The following NLGN1 variants were observed in gnomAD, a reference collection of about 807,000 sequenced individuals.
NLGN1 encodes the protein neuroligin 1.
NLGN1 carries 12 observed loss-of-function variants against 65.5 expected under a neutral mutation model. The observed-to-expected ratio is 0.18, with a 90% CI of 0.12 to 0.30. The LOEUF is 0.30. NLGN1 is among the 10% of genes least tolerant of loss of function. The pLI, the probability that NLGN1 is intolerant of heterozygous loss-of-function variation, is 1.00. For synonymous variants in NLGN1, 350 were observed against 359.5 expected, an observed-to-expected ratio of 0.97 and a Z score of 0.30; for missense variants, 750 against 1,007.1, an observed-to-expected ratio of 0.74 and a Z score of 3.46.
chr3:173,914,166 AT>A (rs1288616685), intron 4 of NLGN1, among the ~76,000 whole-genome samples: 3 of 152,158 alleles, frequency 2.0e-5, no homozygotes, highest in Non-Finnish European at 4.4e-5. Flanking sequence ...AGGTCTCACC[AT>A]TCTCTAGCAT....
At chr3:173,850,135 G>A (rs1313226441) in intron 4 of NLGN1, among the ~76,000 whole-genome samples, 1 of 152,018 alleles carries the variant, frequency 6.6e-6, no homozygotes, top group East Asian at 1.9e-4. Context: ...ATAGTTTGGT[G>A]GACATCCTTC....
chr3:173,778,382 G>A (rs1780634079), intron 3 of NLGN1, among the ~76,000 whole-genome samples: 1 of 151,736 alleles, frequency 6.6e-6, no homozygotes. Flanking sequence ...GAATTTATTA[G>A]GCGATGGTTT....
chr3:174,085,784 G>T (rs1743109696), intron 4 of NLGN1, among the ~76,000 whole-genome samples: 1 of 151,950 alleles, frequency 6.6e-6, no homozygotes, highest in South Asian at 2.1e-4. Context: ...GCAGCAAAAA[G>T]ATTTAAAAAT....
chr3:173,628,098 C>G (rs888457354), intron 3 of NLGN1, among the ~76,000 whole-genome samples: 1 of 152,160 alleles, frequency 6.6e-6, no homozygotes, highest in African/African-American at 2.4e-5. Flanking sequence ...TCCGTACTGA[C>G]TGGGGCCTGT....
intron 4 of NLGN1, among the ~76,000 whole-genome samples, chr3:174,220,402 A>G (rs1230954527): frequency 6.6e-6 from 1 of 152,134 alleles, no homozygotes; most frequent in Non-Finnish European, 1.5e-5. Flanking sequence ...ATATATAATT[A>G]ATATTTTATA....
At chr3:173,637,698 C>G (rs574991553) in intron 3 of NLGN1, among the ~76,000 whole-genome samples, 1 of 152,226 alleles carries the variant, frequency 6.6e-6, no homozygotes, top group Admixed American at 6.5e-5. Context: ...TTCCATGATA[C>G]TTTACAACAT....
At chr3:173,765,601 C>T (rs925578378) in intron 3 of NLGN1, among the ~76,000 whole-genome samples, 3 of 152,238 alleles carry the variant, frequency 2.0e-5, no homozygotes, top group Non-Finnish European at 2.9e-5. Context: ...GAATGTTATA[C>T]ACTCTCTTAA....
intron 3 of NLGN1, among the ~76,000 whole-genome samples, chr3:173,702,233 C>T (rs1255765765): frequency 1.5e-5 from 2 of 131,302 alleles, no homozygotes; most frequent in Non-Finnish European, 1.5e-5. Context: ...AGCGAGACTC[C>T]GTCTCAAAAA....
At chr3:173,675,917 A>G (rs965712917) in intron 3 of NLGN1, among the ~76,000 whole-genome samples, 1 of 151,386 alleles carries the variant, frequency 6.6e-6, no homozygotes, top group Non-Finnish European at 1.5e-5. Flanking sequence ...ACACACACAC[A>G]CACACTAGAG....
chr3:173,585,602 T>C (rs1037013553), intron 2 of NLGN1, among the ~76,000 whole-genome samples: 20 of 152,184 alleles, frequency 1.3e-4, no homozygotes, highest in African/African-American at 4.6e-4. Flanking sequence ...CATGTTGTCT[T>C]GTAATTCACT....
chr3:174,211,361 C>G (rs546511329), intron 4 of NLGN1, among the ~76,000 whole-genome samples: 1 of 151,988 alleles, frequency 6.6e-6, no homozygotes, highest in Non-Finnish European at 1.5e-5. Flanking sequence ...CTGAGCTAGG[C>G]GCAAAGGTTC....
intron 4 of NLGN1, among the ~76,000 whole-genome samples, chr3:174,266,393 CT>C (rs1748250139): frequency 1.3e-5 from 2 of 152,048 alleles, no homozygotes; most frequent in Non-Finnish European, 2.9e-5. Flanking sequence ...TGATTTTGTT[CT>C]TTTTTATGGC....
At chr3:173,893,120 C>G (rs1348794722) in intron 4 of NLGN1, among the ~76,000 whole-genome samples, 2 of 152,096 alleles carry the variant, frequency 1.3e-5, no homozygotes, top group African/African-American at 4.8e-5. Context: ...CTCATAGGCA[C>G]CTCAAACCCA....
At chr3:173,679,982 A>G (rs1436254066) in intron 3 of NLGN1, among the ~76,000 whole-genome samples, 1 of 152,160 alleles carries the variant, frequency 6.6e-6, no homozygotes, top group Non-Finnish European at 1.5e-5. Flanking sequence ...AATCTTCTAC[A>G]GAAGAGAAAA....
At chr3:173,470,570 T>C (rs1466526025) in intron 2 of NLGN1, among the ~76,000 whole-genome samples, 1 of 152,108 alleles carries the variant, frequency 6.6e-6, no homozygotes, top group Non-Finnish European at 1.5e-5. Context: ...AGCAATTTTC[T>C]TCTCTTTTCT....
chr3:174,208,884 G>A (rs1328310458), intron 4 of NLGN1, among the ~76,000 whole-genome samples: 1 of 152,024 alleles, frequency 6.6e-6, no homozygotes, highest in Non-Finnish European at 1.5e-5. Flanking sequence ...TAGGCAGGTG[G>A]TAATTCTGTA....
At chr3:173,710,354 T>A (rs1020859752) in intron 3 of NLGN1, among the ~76,000 whole-genome samples, 10 of 151,692 alleles carry the variant, frequency 6.6e-5, no homozygotes, top group Admixed American at 2.0e-4. Flanking sequence ...CACTCACATT[T>A]AAAAAAAAAT....
At chr3:174,039,425 C>G (rs537702318) in intron 4 of NLGN1, among the ~76,000 whole-genome samples, 121 of 151,898 alleles carry the variant, frequency 8.0e-4, no homozygotes, top group African/African-American at 2.7e-3. Context: ...TCTCCCCTTG[C>G]CCCCCATCCT....
intron 3 of NLGN1, among the ~76,000 whole-genome samples, chr3:173,754,822 C>T (rs1026181807): frequency 6.6e-6 from 1 of 150,594 alleles, no homozygotes; most frequent in African/African-American, 2.5e-5. Flanking sequence ...CATGCATTTA[C>T]ATGTCCAGAA....
Sources: gnomAD v4.1 joint callset for allele counts (sites outside exome capture counted in the v4.1 genomes callset) on GRCh38, gnomAD v4.1.1 for gene constraint, MANE v1.5 for transcripts, NCBI Gene and HGNC (gene_info 2026-07-23, HGNC 2026-07-21) for gene names.